IL1RAPL1: variants seen among roughly 807,000 people sequenced by gnomAD.
IL1RAPL1 encodes interleukin 1 receptor accessory protein like 1, also known as interleukin-1 receptor accessory protein-like 1.
A neutral mutation model predicts 48.4 loss-of-function variants in IL1RAPL1; 3 were observed. That is an observed-to-expected ratio of 0.06 (90% CI 0.03 to 0.16). IL1RAPL1 has a LOEUF of 0.16. Among genes scored for constraint, IL1RAPL1 ranks in the 10% least tolerant of loss-of-function variants. The pLI is 1.00. For missense variants in IL1RAPL1, 349 were observed against 530.6 expected (o/e 0.66, Z 3.36); for synonymous variants, 185 against 187.7 (o/e 0.99, Z 0.12).
intron 2 of IL1RAPL1, among the ~76,000 whole-genome samples, chrX:28,935,491 A>G (rs1293331521): frequency 1.8e-5 from 2 of 111,865 alleles, no homozygotes; most frequent in African/African-American, 6.5e-5. Context: ...TTATGTGTCC[A>G]TCTTTACACC....
chrX:29,774,873 C>T (rs1022181864), intron 6 of IL1RAPL1, among the ~76,000 whole-genome samples: 2 of 112,037 alleles, frequency 1.8e-5, no homozygotes, highest in Non-Finnish European at 1.9e-5. Flanking sequence ...GCTTGAAAAT[C>T]AACATTATAA....
intron 5 of IL1RAPL1, among the ~76,000 whole-genome samples, chrX:29,658,091 C>A (rs907125061): frequency 4.5e-5 from 5 of 111,911 alleles, no homozygotes; most frequent in African/African-American, 1.3e-4. Flanking sequence ...AAATCTACTG[C>A]AGTAATTGTT....
At chrX:29,399,602 C>T (rs1038948854) in intron 5 of IL1RAPL1, among the ~76,000 whole-genome samples, 1 of 111,076 alleles carries the variant, frequency 9.0e-6, no homozygotes, top group African/African-American at 3.3e-5. Flanking sequence ...GGGCGAATCA[C>T]GAGGTCAGGG....
chrX:28,873,340 A>G (rs750400407), intron 2 of IL1RAPL1, among the ~76,000 whole-genome samples: 2 of 106,618 alleles, frequency 1.9e-5, no homozygotes, highest in African/African-American at 6.9e-5. Flanking sequence ...TGAACTCCTT[A>G]CCTCAGGTGA....
intron 2 of IL1RAPL1, among the ~76,000 whole-genome samples, chrX:29,013,837 C>G (rs1326140961): frequency 9.1e-6 from 1 of 110,318 alleles, no homozygotes; most frequent in Non-Finnish European, 1.9e-5. Context: ...TGTAACAAAC[C>G]TGCACATCCT....
intron 1 of IL1RAPL1, among the ~76,000 whole-genome samples, chrX:28,665,079 C>G (rs1934861243): frequency 1.8e-5 from 2 of 111,375 alleles, no homozygotes; most frequent in Admixed American, 9.6e-5. Flanking sequence ...TTTTTAAAAC[C>G]ATGTGTGTAC....
intron 2 of IL1RAPL1, among the ~76,000 whole-genome samples, chrX:29,045,016 G>A (rs1926924204): frequency 9.0e-6 from 1 of 111,486 alleles, no homozygotes; most frequent in Admixed American, 9.6e-5. Context: ...TATAGGGATT[G>A]TTTTGCCCTC....
intron 6 of IL1RAPL1, among the ~76,000 whole-genome samples, chrX:29,738,615 T>C (rs935341542): frequency 5.4e-5 from 6 of 110,183 alleles, no homozygotes; most frequent in African/African-American, 9.9e-5. Context: ...ATTTTTTGTA[T>C]TTTTTGTAGA....
intron 3 of IL1RAPL1, among the ~76,000 whole-genome samples, chrX:29,354,572 T>G (rs999465665): frequency 6.2e-5 from 7 of 112,176 alleles, no homozygotes; most frequent in African/African-American, 2.3e-4. Context: ...TGTGGCTGAC[T>G]GGGAACTATG....
At chrX:28,815,587 A>C (rs781731371) in intron 2 of IL1RAPL1, among the ~76,000 whole-genome samples, 1 of 105,387 alleles carries the variant, frequency 9.5e-6, no homozygotes, top group South Asian at 4.3e-4. Context: ...TGTACCCATT[A>C]ATCAACCTCG....
At chrX:28,961,009 CAAAA>C (rs397947609) in intron 2 of IL1RAPL1, among the ~76,000 whole-genome samples, 2 of 17,492 alleles carry the variant, frequency 1.1e-4, no homozygotes, top group Non-Finnish European at 2.0e-4. Flanking sequence ...GACTCCGTCT[CAAAA>C]AAAAAAAAAA....
chrX:29,804,119 A>G (rs1930195441), intron 6 of IL1RAPL1, among the ~76,000 whole-genome samples: 1 of 111,526 alleles, frequency 9.0e-6, no homozygotes, highest in Non-Finnish European at 1.9e-5. Context: ...TTTATGAAAC[A>G]TTTTCCTCTG....
At chrX:29,007,862 A>G (rs1340585031) in intron 2 of IL1RAPL1, among the ~76,000 whole-genome samples, 7 of 111,924 alleles carry the variant, frequency 6.3e-5, no homozygotes, top group African/African-American at 2.3e-4. Context: ...GTATTTCTTT[A>G]TTTCTCCCCA....
chrX:28,897,059 C>T (rs1922938721), intron 2 of IL1RAPL1, among the ~76,000 whole-genome samples: 1 of 110,073 alleles, frequency 9.1e-6, no homozygotes, highest in South Asian at 3.9e-4. Flanking sequence ...CTTGAGAACA[C>T]AGGCTAAGGG....
intron 3 of IL1RAPL1, among the ~76,000 whole-genome samples, chrX:29,363,580 T>C (rs1933405590): frequency 9.0e-6 from 1 of 111,646 alleles, no homozygotes; most frequent in African/African-American, 3.3e-5. Flanking sequence ...TGCCTGAGAC[T>C]GAGTCATTTA....
intron 3 of IL1RAPL1, among the ~76,000 whole-genome samples, chrX:29,347,775 A>G (rs906121436): frequency 4.9e-4 from 55 of 111,709 alleles, no homozygotes; most frequent in African/African-American, 1.8e-3. Flanking sequence ...AATTGCCAGC[A>G]TAACTATTCT....
At chrX:29,695,585 C>A (rs1030087420) in intron 6 of IL1RAPL1, among the ~76,000 whole-genome samples, 4 of 93,907 alleles carry the variant, frequency 4.3e-5, no homozygotes, top group African/African-American at 1.7e-4. Context: ...TTCCTTGGTG[C>A]TTGCAAGGTG....
intron 5 of IL1RAPL1, among the ~76,000 whole-genome samples, chrX:29,655,004 G>A (rs1314945067): frequency 9.0e-6 from 1 of 111,134 alleles, no homozygotes; most frequent in Non-Finnish European, 1.9e-5. Flanking sequence ...AGCATTAAAG[G>A]GGCTTCTAGA....
chrX:29,530,059 C>T (rs1935597190), intron 5 of IL1RAPL1, among the ~76,000 whole-genome samples: 1 of 112,180 alleles, frequency 8.9e-6, no homozygotes, highest in South Asian at 3.7e-4. Flanking sequence ...ACTATTATTA[C>T]CTAATTCTTG....
Sources: gnomAD v4.1 joint callset for allele counts (sites outside exome capture counted in the v4.1 genomes callset) on GRCh38, gnomAD v4.1.1 for gene constraint, MANE v1.5 for transcripts, NCBI Gene and HGNC (gene_info 2026-07-23, HGNC 2026-07-21) for gene names.